Variants in MAF observed in about 807,000 individuals in gnomAD.
MAF encodes MAF bZIP transcription factor, also known as transcription factor Maf.
A neutral mutation model predicts 22.0 loss-of-function variants in MAF; 10 were observed. The observed-to-expected ratio is 0.45, with a 90% CI of 0.28 to 0.77. The LOEUF is 0.77. MAF is among the 30% of genes least tolerant of loss of function. The pLI is 0.12. For missense variants in MAF, 544 were observed against 548.4 expected (o/e 0.99, Z 0.08); for synonymous variants, 337 against 255.8 (o/e 1.32, Z -3.03).
At chr16:79,368,408 C>T in the MAF span, among the ~76,000 whole-genome samples, 1 of 152,064 alleles carries the variant, frequency 6.6e-6, no homozygotes, top group Non-Finnish European at 1.5e-5. Flanking sequence ...AGCTCATGTT[C>T]CACGGGTCTA....
chr16:79,237,007 G>A, the MAF span, among the ~76,000 whole-genome samples: 5 of 151,300 alleles, frequency 3.3e-5, no homozygotes, highest in African/African-American at 1.2e-4. Context: ...TTTAGAATCA[G>A]GACTCGCCTT....
chr16:79,511,643 G>A, the MAF span, among the ~76,000 whole-genome samples: 4 of 152,184 alleles, frequency 2.6e-5, no homozygotes, highest in African/African-American at 9.7e-5. Flanking sequence ...AAGATAATAT[G>A]TATGGTACAT....
the MAF span, among the ~76,000 whole-genome samples, chr16:79,366,131 A>G: frequency 6.6e-6 from 1 of 152,254 alleles, no homozygotes; most frequent in African/African-American, 2.4e-5. Flanking sequence ...ACCCCTGGTT[A>G]ACCAGCTGTC....
At chr16:79,519,581 G>C in the MAF span, among the ~76,000 whole-genome samples, 1 of 152,152 alleles carries the variant, frequency 6.6e-6, no homozygotes, top group Non-Finnish European at 1.5e-5. Flanking sequence ...GTTCCTTATC[G>C]CTTGTCATCG....
chr16:79,479,339 T>A, the MAF span, among the ~76,000 whole-genome samples: 1 of 152,350 alleles, frequency 6.6e-6, no homozygotes, highest in African/African-American at 2.4e-5. Flanking sequence ...ACCATCCCCA[T>A]GTAGGCGCCA....
chr16:79,327,483 A>C, the MAF span, among the ~76,000 whole-genome samples: 4 of 152,182 alleles, frequency 2.6e-5, no homozygotes. Flanking sequence ...CAAAGCCATG[A>C]GTTATTATAA....
chr16:79,412,554 T>A, the MAF span, among the ~76,000 whole-genome samples: 1 of 152,352 alleles, frequency 6.6e-6, no homozygotes, highest in Non-Finnish European at 1.5e-5. Context: ...TTGCAGGATA[T>A]TGAATAGGAT....
chr16:79,405,244 G>A, the MAF span, among the ~76,000 whole-genome samples: 497 of 152,270 alleles, frequency 3.3e-3, no homozygotes, highest in African/African-American at 0.011. Flanking sequence ...ACCCTTTGAG[G>A]TGTCTCCCTA....
the MAF span, among the ~76,000 whole-genome samples, chr16:79,517,792 C>T: frequency 2.0e-5 from 3 of 152,076 alleles, no homozygotes; most frequent in African/African-American, 7.2e-5. Context: ...CCAGGCTGGT[C>T]TCAAACTTCT....
At chr16:79,365,821 T>C in the MAF span, among the ~76,000 whole-genome samples, 1 of 152,222 alleles carries the variant, frequency 6.6e-6, no homozygotes, top group Non-Finnish European at 1.5e-5. Context: ...CCTTCAAAGT[T>C]ATTCAACATG....
At chr16:79,242,640 ATCAATG>A in the MAF span, among the ~76,000 whole-genome samples, 2 of 152,010 alleles carry the variant, frequency 1.3e-5, no homozygotes, top group Non-Finnish European at 2.9e-5. Flanking sequence ...TATGAGACAG[ATCAATG>A]AGACAGAAAA....
At chr16:79,554,645 A>G in the MAF span, among the ~76,000 whole-genome samples, 600 of 152,262 alleles carry the variant, frequency 3.9e-3, 7 homozygotes, top group Middle Eastern at 6.8e-3. Context: ...GTCTCCCAGG[A>G]TGCTCATGAG....
the MAF span, among the ~76,000 whole-genome samples, chr16:79,467,069 T>C: frequency 6.6e-6 from 1 of 152,198 alleles, no homozygotes; most frequent in Non-Finnish European, 1.5e-5. Context: ...TAGAATATGA[T>C]CTTGTTGTCA....
At chr16:79,468,482 C>T in the MAF span, among the ~76,000 whole-genome samples, 11 of 152,182 alleles carry the variant, frequency 7.2e-5, no homozygotes, top group South Asian at 1.2e-3. Context: ...TTGTTTGGCC[C>T]GTCTGCTCTT....
the MAF span, among the ~76,000 whole-genome samples, chr16:79,207,658 CCT>C: frequency 4.1e-4 from 63 of 152,270 alleles, no homozygotes; most frequent in Admixed American, 1.7e-3. Context: ...ACAGGAATCT[CCT>C]CTTTCTTTTA....
chr16:79,306,473 C>G, the MAF span, among the ~76,000 whole-genome samples: 1 of 152,180 alleles, frequency 6.6e-6, no homozygotes, highest in Non-Finnish European at 1.5e-5. Context: ...CGGAGCATTG[C>G]TTGGCCTCCT....
At position 79,599,764 on chromosome 16, in the gene MAF, C is replaced by A. The variant is rs779633071; in HGVS notation, c.139G>T (p.Gly47Cys). The part of the protein sequence containing the change: ...VETDRIISQC[G>C]RLIAGGSLSS... Reference sequence around the variant, plus strand: ...AGCGAGCCCCCGGCGATGAGACGGCCGCACTGGCTGATGATGCGGTCGGTC... The same window carrying A: ...AGCGAGCCCCCGGCGATGAGACGGCAGCACTGGCTGATGATGCGGTCGGTC... The change falls in exon 1 of 2, where the codon GGC becomes TGC. Residue 47 changes from glycine (G) to cysteine (C), a missense_variant. Physicochemically the swap from Gly to Cys is radical, Grantham distance 159. This residue lies in a region of MAF where 63 missense variants were observed against 72.7 expected (regional missense o/e 0.87). Coordinates refer to ENST00000326043, the MANE Select transcript of MAF (RefSeq NM_005360.5). The A allele has an allele frequency of 6.2e-7, 1 of 1,613,140 alleles. No homozygotes were observed. Among genetic ancestry groups the A allele is most frequent in the Non-Finnish European group, 8.5e-7 (1 of 1,179,910 alleles).
chr16:79,515,661 C>T, the MAF span, among the ~76,000 whole-genome samples: 1 of 152,164 alleles, frequency 6.6e-6, no homozygotes, highest in Admixed American at 6.5e-5. Flanking sequence ...GTATTTACAA[C>T]TCTCCTCCTC....
the MAF span, chr16:79,205,791 G>A: frequency 6.6e-6 from 1 of 152,198 alleles, no homozygotes; most frequent in Non-Finnish European, 1.5e-5. Flanking sequence ...ACTGTGTTAG[G>A]AATCATTGGA....
Sources: allele counts gnomAD v4.1 joint callset (sites outside exome capture counted in the v4.1 genomes callset), GRCh38; gene constraint gnomAD v4.1.1; regional missense constraint gnomAD v4.1.1; transcripts MANE v1.5; gene names NCBI Gene and HGNC (gene_info 2026-07-23, HGNC 2026-07-21).